Variants in FAM53B observed in about 807,000 individuals in gnomAD.
FAM53B encodes family with sequence similarity 53 member B.
FAM53B carries 12 observed loss-of-function variants against 32.7 expected under a neutral mutation model. The observed-to-expected ratio is 0.37, with a 90% CI of 0.24 to 0.59. The LOEUF is 0.59. Ranked by LOEUF, FAM53B falls within the 20% of genes least tolerant of loss-of-function variation. FAM53B has a pLI of 0.72. For synonymous variants in FAM53B, 234 were observed against 228.7 expected (o/e 1.02, Z -0.21); for missense variants, 477 against 577.7 (o/e 0.83, Z 1.79).
chr10:124,700,746 G>A (rs1026497179), intron 2 of FAM53B, among the ~76,000 whole-genome samples: 1 of 152,194 alleles, frequency 6.6e-6, no homozygotes, highest in Non-Finnish European at 1.5e-5. Context: ...CCACAACCAC[G>A]GTTCTTGGTA....
At chr10:124,674,789 C>G (rs955427261) in intron 4 of FAM53B, among the ~76,000 whole-genome samples, 1 of 152,250 alleles carries the variant, frequency 6.6e-6, no homozygotes, top group African/African-American at 2.4e-5. Context: ...CTCCCTCTGG[C>G]CCATAGGCTG....
intron 4 of FAM53B, among the ~76,000 whole-genome samples, chr10:124,661,651 C>G (rs1337401363): frequency 6.6e-6 from 1 of 152,238 alleles, no homozygotes; most frequent in Non-Finnish European, 1.5e-5. Context: ...TCTGCCACCA[C>G]CACCCCAACA....
chr10:124,635,980 A>C (rs1274477473), intron 4 of FAM53B, among the ~76,000 whole-genome samples: 1 of 152,238 alleles, frequency 6.6e-6, no homozygotes, highest in Non-Finnish European at 1.5e-5. Context: ...ACAAGAAACT[A>C]GCGGTCCATC....
At position 124,671,039 on chromosome 10, in the gene FAM53B, C is replaced by T. The variant is rs1033703791; in HGVS notation, c.906+10568G>A. 1.8e-4 allele frequency: 75 copies of T among 420,116 alleles called. 1 individual carries two copies. The highest frequency in any genetic ancestry group is 8.2e-4 in the Admixed American group (34 of 41,674). 26.0% of individuals were successfully genotyped at this position (420,116 alleles called of 1,614,324 possible). Reference sequence around the variant, plus strand: ...AGAGATCTCCCGCCCCGCTGGAGAACGTTAGACAGCGCTTAACTGAAGGAT... The same window carrying T: ...AGAGATCTCCCGCCCCGCTGGAGAATGTTAGACAGCGCTTAACTGAAGGAT... On this transcript the variant is annotated intron_variant, in intron 4 of 4. Transcript: ENST00000337318.
intron 2 of FAM53B, among the ~76,000 whole-genome samples, chr10:124,702,983 C>T (rs1183427258): frequency 6.6e-6 from 1 of 152,180 alleles, no homozygotes; most frequent in Non-Finnish European, 1.5e-5. Flanking sequence ...ACTTATTCTC[C>T]CCTCACCTTC....
intron 1 of FAM53B, among the ~76,000 whole-genome samples, chr10:124,718,380 A>T (rs1950049073): frequency 6.6e-6 from 1 of 152,124 alleles, no homozygotes; most frequent in Non-Finnish European, 1.5e-5. Flanking sequence ...CTCATCAATC[A>T]CATGGTAAGC....
intron 4 of FAM53B, among the ~76,000 whole-genome samples, chr10:124,679,908 A>G (rs987588493): frequency 1.3e-5 from 2 of 152,264 alleles, no homozygotes; most frequent in Non-Finnish European, 2.9e-5. Flanking sequence ...AAAATATAAT[A>G]ACATGCATGT....
intron 4 of FAM53B, among the ~76,000 whole-genome samples, chr10:124,675,372 C>T (rs556308337): frequency 6.3e-4 from 96 of 152,316 alleles, no homozygotes; most frequent in African/African-American, 2.2e-3. Context: ...GGCAGGATCC[C>T]GGCCCACCAA....
In FAM53B at chr10:124,659,840, CTT is replaced by C. The variant is rs1175992485; in HGVS notation, c.906+21765_906+21766del. ...TTGTTTTTTGAGACGGAGTCTCGCT[CTT>C]GTCACCCAGGCTGGAGTGCCATGGC... On this transcript the variant is annotated intron_variant, in intron 4 of 4. Transcript: ENST00000337318. 5.3e-5 allele frequency among the ~76,000 whole-genome samples: 8 copies of C among 152,346 alleles called. No individual in the cohort carries two copies. In the South Asian group the frequency reaches 1.4e-3, roughly 28 times the overall value.
intron 1 of FAM53B, among the ~76,000 whole-genome samples, chr10:124,715,793 G>A (rs918905741): frequency 1.1e-4 from 16 of 152,216 alleles, no homozygotes; most frequent in Admixed American, 5.2e-4. Context: ...CATGTAAGAC[G>A]TTACCCTTGT....
intron 1 of FAM53B, among the ~76,000 whole-genome samples, chr10:124,741,292 G>A (rs1050575515): frequency 6.6e-6 from 1 of 152,138 alleles, no homozygotes; most frequent in Non-Finnish European, 1.5e-5. Context: ...TTTTATTTAA[G>A]GACAAGAACA....
chr10:124,629,735 G>A (rs1949378802), intron 4 of FAM53B, among the ~76,000 whole-genome samples: 1 of 152,204 alleles, frequency 6.6e-6, no homozygotes, highest in African/African-American at 2.4e-5. Context: ...CAACCAAGAC[G>A]GCAAGGCATG....
At chr10:124,668,874 T>C (rs1949690110) in intron 4 of FAM53B, among the ~76,000 whole-genome samples, 1 of 152,264 alleles carries the variant, frequency 6.6e-6, no homozygotes, top group Non-Finnish European at 1.5e-5. Flanking sequence ...CTTTTCCTTC[T>C]GGGACACAGA....
At chr10:124,653,142 A>G (rs1564868452) in intron 4 of FAM53B, among the ~76,000 whole-genome samples, 1 of 152,230 alleles carries the variant, frequency 6.6e-6, no homozygotes, top group East Asian at 1.9e-4. Context: ...ATGTGCCCCA[A>G]TGACACTGGT....
At chr10:124,726,387 GA>G (rs1950103486) in intron 1 of FAM53B, among the ~76,000 whole-genome samples, 1 of 152,218 alleles carries the variant, frequency 6.6e-6, no homozygotes, top group African/African-American at 2.4e-5. Flanking sequence ...CACTGAAGGA[GA>G]ACAGTGGCAT....
chr10:124,661,632 T>G (rs902020603), intron 4 of FAM53B, among the ~76,000 whole-genome samples: 7 of 152,148 alleles, frequency 4.6e-5, no homozygotes, highest in Non-Finnish European at 1.0e-4. Flanking sequence ...AAGGGACCTT[T>G]TACTGTCCTC....
In FAM53B at chr10:124,744,007, G is replaced by C. The variant is rs1053696351; in HGVS notation, c.-175+6C>G. On this transcript the variant is annotated splice_donor_region_variant and intron_variant, in intron 1 of 4. Transcript: ENST00000337318. ...CGCCGCCGCCGCCCGGCCCCGGGTCGCTTACTGTGCGCGGCGGGGCGCTCC... is the reference window on the plus strand; with the variant it reads ...CGCCGCCGCCGCCCGGCCCCGGGTCCCTTACTGTGCGCGGCGGGGCGCTCC... 1 of 147,950 alleles carries C rather than the reference G, an allele frequency of 6.8e-6. No homozygotes were observed. The highest frequency in any genetic ancestry group is 1.5e-5 in the Non-Finnish European group (1 of 66,430). The allele number at this position is 147,950 out of a possible 1,614,324, so 9.2% of individuals were successfully genotyped here. A position where few individuals can be genotyped will look rare whatever the true frequency, so the allele number is the denominator to read the frequency against.
intron 4 of FAM53B, among the ~76,000 whole-genome samples, chr10:124,647,374 C>T (rs1949523895): frequency 6.6e-6 from 1 of 152,140 alleles, no homozygotes; most frequent in South Asian, 2.1e-4. Flanking sequence ...AAACCCCACT[C>T]CCCAAGCTGC....
intron 2 of FAM53B, among the ~76,000 whole-genome samples, chr10:124,701,525 G>A (rs916801997): frequency 3.3e-5 from 5 of 152,266 alleles, no homozygotes; most frequent in African/African-American, 1.2e-4. Flanking sequence ...GGCCAAGGGA[G>A]GTGGTCACTC....
Sources: gnomAD v4.1 joint callset for allele counts (sites outside exome capture counted in the v4.1 genomes callset) on GRCh38, gnomAD v4.1.1 for gene constraint, MANE v1.5 for transcripts, NCBI Gene and HGNC (gene_info 2026-07-23, HGNC 2026-07-21) for gene names.